The following DLGAP1 variants were observed in gnomAD, a reference collection of about 807,000 sequenced individuals.
DLGAP1 encodes the protein DLG associated protein 1.
Under a neutral mutation model 90.8 loss-of-function variants are expected in DLGAP1, and 11 were observed. The ratio of observed to expected loss-of-function variants is 0.12; its 90% CI spans 0.08 to 0.20. DLGAP1 has a LOEUF of 0.20. DLGAP1 is among the 10% of genes least tolerant of loss of function. The pLI, the probability that DLGAP1 is intolerant of heterozygous loss-of-function variation, is 1.00. For synonymous variants in DLGAP1, 558 were observed against 540.7 expected (o/e 1.03, Z -0.44); for missense variants, 1,050 against 1,333.8 (o/e 0.79, Z 3.31).
At chr18:3,907,440 A>C (rs1341699189) in intron 3 of DLGAP1, among the ~76,000 whole-genome samples, 1 of 152,206 alleles carries the variant, frequency 6.6e-6, no homozygotes. Flanking sequence ...AGAAATACCC[A>C]GATAAAATAT....
rs528984492 is a variant in DLGAP1, at chr18:4,288,105, C to T, written c.-266-136818G>A. 5.9e-5 allele frequency among the ~76,000 whole-genome samples: 9 copies of T among 152,066 alleles called. No homozygotes were observed. The East Asian group carries it at 1.7e-3, about 29-fold the overall frequency. The stretch of plus-strand genomic sequence containing the variant: ...TACTTTAAGTTTTAGGGTACATGTG[C>T]ACATTGTGCAGGTTAGTTACATATG... On this transcript the variant is annotated intron_variant, in intron 1 of 12. Coordinates refer to ENST00000315677, the MANE Select transcript of DLGAP1 (RefSeq NM_004746.4).
intron 1 of DLGAP1, among the ~76,000 whole-genome samples, chr18:4,346,978 G>A (rs2081312320): frequency 6.6e-6 from 1 of 151,520 alleles, no homozygotes; most frequent in Non-Finnish European, 1.5e-5. Context: ...AAAACAAAAG[G>A]CAGAAGGTAA....
At chr18:3,583,196 T>A (rs1199034379) in intron 7 of DLGAP1, among the ~76,000 whole-genome samples, 1 of 144,916 alleles carries the variant, frequency 6.9e-6, no homozygotes, top group Non-Finnish European at 1.6e-5. Flanking sequence ...CTTCCTTCCT[T>A]CCTTCCTTCC....
At chr18:4,295,981 A>T (rs2079970782) in intron 1 of DLGAP1, among the ~76,000 whole-genome samples, 1 of 152,232 alleles carries the variant, frequency 6.6e-6, no homozygotes, top group Admixed American at 6.5e-5. Context: ...ATCTATTCTC[A>T]CTGGATTACA....
intron 6 of DLGAP1, among the ~76,000 whole-genome samples, chr18:3,740,424 C>T (rs1163559585): frequency 6.6e-6 from 1 of 152,136 alleles, no homozygotes; most frequent in Admixed American, 6.5e-5. Context: ...TTCTGTAAAG[C>T]AAGGAAACAC....
At chr18:3,540,363 A>G (rs535382851) in intron 9 of DLGAP1, among the ~76,000 whole-genome samples, 42 of 148,450 alleles carry the variant, frequency 2.8e-4, no homozygotes, top group African/African-American at 5.2e-4. Context: ...GCTACTCGGG[A>G]GGCTAAGGCA....
chr18:4,269,422 C>T (rs1298591443), intron 1 of DLGAP1, among the ~76,000 whole-genome samples: 2 of 149,226 alleles, frequency 1.3e-5, no homozygotes, highest in Non-Finnish European at 3.0e-5. Context: ...GGCGCGATCT[C>T]AGCTCACTGC....
At chr18:4,209,072 A>T (rs1241450603) in intron 1 of DLGAP1, among the ~76,000 whole-genome samples, 2 of 152,074 alleles carry the variant, frequency 1.3e-5, no homozygotes, top group African/African-American at 2.4e-5. Context: ...AAAAGAAGGG[A>T]GGGAGGGTGA....
intron 3 of DLGAP1, chr18:3,978,373 A>C (rs1053012985): frequency 3.0e-6 from 1 of 338,038 alleles, no homozygotes; most frequent in Non-Finnish European, 5.8e-6. Flanking sequence ...TTTTCGTGGG[A>C]TCTCGCCTTG....
At chr18:4,250,206 TC>T (rs1350539669) in intron 1 of DLGAP1, among the ~76,000 whole-genome samples, 6 of 152,100 alleles carry the variant, frequency 3.9e-5, no homozygotes, top group African/African-American at 1.4e-4. Context: ...AACAGCAATT[TC>T]AAAAAAGAAA....
Position 3,925,617 on chromosome 18 carries a change from A to G in DLGAP1, c.-72-45477T>C, listed in dbSNP as rs2072365341. On this transcript the variant is annotated intron_variant, in intron 3 of 12. Coordinates refer to ENST00000315677, the MANE Select transcript of DLGAP1 (RefSeq NM_004746.4). Reference sequence around the variant, plus strand: ...TTTATCCAGAAAATCACACAGGTCAATAGAGCTAATATGTTTAAAGACCTT... The same window carrying G: ...TTTATCCAGAAAATCACACAGGTCAGTAGAGCTAATATGTTTAAAGACCTT... Among the ~76,000 whole-genome samples, 3 of 152,224 alleles carry G rather than the reference A, an allele frequency of 2.0e-5. No individual in the cohort carries two copies. The South Asian group carries it at 6.2e-4, about 32-fold the overall frequency.
At chr18:3,741,401 C>T (rs545148750) in intron 6 of DLGAP1, among the ~76,000 whole-genome samples, 4 of 150,474 alleles carry the variant, frequency 2.7e-5, no homozygotes, top group Admixed American at 2.6e-4. Context: ...ATCACCACTG[C>T]CATTACTATT....
At position 4,184,221 on chromosome 18, in the gene DLGAP1, C is replaced by T. The variant is rs372746245; in HGVS notation, c.-266-32934G>A. ...TTGTATTGATCGTGACCTAAATTTG[C>T]TTCTGCACAGTTTATAGAGCTACAT... On this transcript the variant is annotated intron_variant, in intron 1 of 12. Transcript: ENST00000315677. 1.7e-4 allele frequency among the ~76,000 whole-genome samples: 26 copies of T among 152,254 alleles called. 2 individuals carry two copies. The highest frequency in any genetic ancestry group is 3.1e-4 in the African/African-American group (13 of 41,564).
intron 4 of DLGAP1, among the ~76,000 whole-genome samples, chr18:3,854,513 T>G (rs887624915): frequency 2.0e-5 from 3 of 152,218 alleles, no homozygotes; most frequent in African/African-American, 7.2e-5. Context: ...AAGATTCTAC[T>G]GCCATTTTCT....
intron 10 of DLGAP1, among the ~76,000 whole-genome samples, chr18:3,522,229 C>T (rs572412920): frequency 2.3e-4 from 35 of 151,554 alleles, no homozygotes; most frequent in African/African-American, 5.6e-4. Flanking sequence ...CTCCGCCTCC[C>T]GGATTCAAGT....
chr18:3,580,838 A>G, intron 8 of DLGAP1: 1 of 1,420,620 alleles, frequency 7.0e-7, no homozygotes, highest in Non-Finnish European at 9.7e-7. Context: ...GGAAAATAAA[A>G]GGCTCTGCCC....
intron 1 of DLGAP1, among the ~76,000 whole-genome samples, chr18:4,157,443 G>T (rs1336907568): frequency 6.6e-6 from 1 of 152,174 alleles, no homozygotes; most frequent in African/African-American, 2.4e-5. Flanking sequence ...AAAGAAGGAA[G>T]ACTAGTCAGT....
rs1429601947 is a variant in DLGAP1 at position 3,846,187 on chromosome 18, T to C, written c.958-31914A>G. Among the ~76,000 whole-genome samples, 11 of 152,132 alleles carry C rather than the reference T, an allele frequency of 7.2e-5. No homozygotes were observed. The East Asian group carries it at 9.7e-4, about 13-fold the overall frequency. ...TTTACTAAAATCCAGCTTTACTGAG[T>C]GCAATCTGCAACCACATCAGCAAGA... On this transcript the variant is annotated intron_variant, in intron 4 of 12. Coordinates refer to ENST00000315677, the MANE Select transcript of DLGAP1 (RefSeq NM_004746.4).
intron 4 of DLGAP1, among the ~76,000 whole-genome samples, chr18:3,849,221 T>C (rs1324190079): frequency 1.3e-5 from 2 of 152,168 alleles, no homozygotes; most frequent in Non-Finnish European, 2.9e-5. Flanking sequence ...ATCTCTTCTG[T>C]AGGTATTGAG....
Sources: gnomAD v4.1 joint callset for allele counts (sites outside exome capture counted in the v4.1 genomes callset) on GRCh38, gnomAD v4.1.1 for gene constraint, MANE v1.5 for transcripts, NCBI Gene and HGNC (gene_info 2026-07-23, HGNC 2026-07-21) for gene names.